Variants in CNBD1 observed in about 807,000 individuals in gnomAD.
CNBD1 encodes cyclic nucleotide binding domain containing 1.
CNBD1 carries 71 observed loss-of-function variants against 54.4 expected under a neutral mutation model. The ratio of observed to expected loss-of-function variants is 1.30; its 90% confidence interval spans 1.08 to 1.59. The LOEUF is 1.59. Ranked by LOEUF, CNBD1 falls within the 40% of genes most tolerant of loss-of-function variation. CNBD1 has a pLI of 0.00. For synonymous variants in CNBD1, 182 were observed against 170.7 expected (o/e 1.07, Z -0.51); for missense variants, 659 against 518.0 (o/e 1.27, Z -2.64).
chr8:87,423,565 T>A (rs1319228107), intron 2 of CNBD1, among the ~76,000 whole-genome samples: 6 of 150,346 alleles, frequency 4.0e-5, no homozygotes, highest in Admixed American at 2.0e-4. Flanking sequence ...TCTGTTTATA[T>A]GCTGGATTAC....
intron 4 of CNBD1, among the ~76,000 whole-genome samples, chr8:87,037,445 T>A (rs902100809): frequency 6.6e-6 from 1 of 152,160 alleles, no homozygotes; most frequent in African/African-American, 2.4e-5. Context: ...AGAAACTCAT[T>A]AAGCATTAGC....
At chr8:87,351,492 T>A (rs1390885119) in intron 8 of CNBD1, among the ~76,000 whole-genome samples, 193 bp from the exon 9 acceptor site, 1 of 152,192 alleles carries the variant, frequency 6.6e-6, no homozygotes, top group Non-Finnish European at 1.5e-5. Flanking sequence ...ATTACATGTA[T>A]TATGTTAGAG....
chr8:87,205,799 C>T (rs958079965), intron 4 of CNBD1, among the ~76,000 whole-genome samples, 194 bp from the exon 5 acceptor site: 6 of 151,964 alleles, frequency 3.9e-5, no homozygotes, highest in East Asian at 1.9e-4. Context: ...ATTGTGAAAG[C>T]GCATCTTAAT....
At chr8:87,162,914 T>C (rs1812886839) in intron 4 of CNBD1, among the ~76,000 whole-genome samples, 2 of 152,070 alleles carry the variant, frequency 1.3e-5, no homozygotes, top group African/African-American at 4.8e-5. Context: ...CCCTCCTGAA[T>C]TGGATTAGGT....
rs1218599259 is a variant in CNBD1 at position 87,325,300 on chromosome 8, C to T, written c.1043-26385C>T. Among the ~76,000 whole-genome samples the T allele has an allele frequency of 3.2e-5, 3 of 94,312 alleles. 1 individual carries two copies. The highest frequency in any genetic ancestry group is 1.9e-4 in the African/African-American group (3 of 15,396). The allele number at this position is 94,312 out of a possible 152,430, so 61.9% of individuals were successfully genotyped here. A position where few individuals can be genotyped will look rare whatever the true frequency, so the allele number is the denominator to read the frequency against. On this transcript the variant is annotated intron_variant, in intron 8 of 10. Coordinates refer to ENST00000518476, the MANE Select transcript of CNBD1 (RefSeq NM_173538.3). ...TTCTGTTGATTTGGGGTAGAGAGTT[C>T]TGTAGATGTCTATTAGGTCCGCTTG...
chr8:86,919,211 G>GA (rs1414610609), intron 3 of CNBD1, among the ~76,000 whole-genome samples: 1 of 152,100 alleles, frequency 6.6e-6, no homozygotes, highest in African/African-American at 2.4e-5. Flanking sequence ...TTGGGATCCA[G>GA]AAATACATAT....
In CNBD1 at chr8:86,911,186, G is replaced by GTAT. The variant is rs1563818997; in HGVS notation, c.272+5992_272+5993insTAT. The stretch of plus-strand genomic sequence containing the variant: ...CCCTTTTCTATTGGCACAGCTGTTG[G>GTAT]CATTCACCCATGCAAGCTTTTAGCT... On this transcript the variant is annotated intron_variant, in intron 3 of 10. Coordinates refer to ENST00000518476, the MANE Select transcript of CNBD1 (RefSeq NM_173538.3). 1.1e-4 allele frequency among the ~76,000 whole-genome samples: 16 copies of GTAT among 152,136 alleles called. No homozygotes were observed. In the East Asian group the frequency reaches 1.5e-3, roughly 15 times the overall value.
downstream of CNBD1, among the ~76,000 whole-genome samples, chr8:87,384,415 T>C (rs1307166048): frequency 6.6e-6 from 1 of 152,132 alleles, no homozygotes; most frequent in Non-Finnish European, 1.5e-5. Flanking sequence ...TGGTACATAT[T>C]ATACTTCAGG....
At chr8:87,355,324 C>T (rs1386819045) in intron 10 of CNBD1, among the ~76,000 whole-genome samples, 2 of 152,160 alleles carry the variant, frequency 1.3e-5, no homozygotes, top group Non-Finnish European at 2.9e-5. Context: ...TCTGGGACAT[C>T]TTCTGGCTTT....
At chr8:86,965,205 G>T (rs1015766028) in intron 4 of CNBD1, among the ~76,000 whole-genome samples, 4 of 152,092 alleles carry the variant, frequency 2.6e-5, no homozygotes, top group African/African-American at 7.2e-5. Flanking sequence ...TATAAAAGAA[G>T]AACCATGACA....
chr8:87,158,441 A>G (rs1326732547), intron 4 of CNBD1, among the ~76,000 whole-genome samples: 1 of 152,226 alleles, frequency 6.6e-6, no homozygotes, highest in Non-Finnish European at 1.5e-5. Flanking sequence ...ATGGAAAACT[A>G]TAATGAAAAC....
chr8:87,356,368 G>A (rs1015077363), intron 10 of CNBD1, among the ~76,000 whole-genome samples: 3 of 152,142 alleles, frequency 2.0e-5, no homozygotes, highest in Non-Finnish European at 4.4e-5. Flanking sequence ...ATAGAAGTAT[G>A]GATAGTGAAG....
intron 4 of CNBD1, among the ~76,000 whole-genome samples, chr8:87,171,293 C>T (rs1427262722): frequency 1.3e-5 from 2 of 151,918 alleles, no homozygotes; most frequent in Admixed American, 1.3e-4. Context: ...CTAGATTTTG[C>T]AATATGTTGG....
chr8:87,178,977 G>A (rs1014349018), intron 4 of CNBD1, among the ~76,000 whole-genome samples: 9 of 152,004 alleles, frequency 5.9e-5, no homozygotes, highest in African/African-American at 1.7e-4. Flanking sequence ...ACGTGATCTC[G>A]GCTCACCGCA....
At chr8:87,370,416 A>G (rs1271929145) in intron 10 of CNBD1, among the ~76,000 whole-genome samples, 5 of 152,088 alleles carry the variant, frequency 3.3e-5, no homozygotes, top group African/African-American at 4.8e-5. Flanking sequence ...AATGATTGCC[A>G]TTCTAACTGG....
intron 4 of CNBD1, among the ~76,000 whole-genome samples, chr8:87,076,604 G>A (rs1450521044): frequency 6.6e-6 from 1 of 151,946 alleles, no homozygotes; most frequent in African/African-American, 2.4e-5. Flanking sequence ...CACCATGTCT[G>A]GATAATTTTT....
chr8:87,146,655 T>G (rs1217346964), intron 4 of CNBD1, among the ~76,000 whole-genome samples: 1 of 152,142 alleles, frequency 6.6e-6, no homozygotes, highest in Non-Finnish European at 1.5e-5. Flanking sequence ...ATAGGAATTT[T>G]CCATGGTTCC....
At chr8:87,245,946 CTA>C (rs1807794897) in intron 6 of CNBD1, among the ~76,000 whole-genome samples, 1 of 151,914 alleles carries the variant, frequency 6.6e-6, no homozygotes, top group Non-Finnish European at 1.5e-5. Context: ...TGAGTACATA[CTA>C]TATGCCCATT....
rs186876346 is a variant in CNBD1 at position 86,945,038 on chromosome 8, C to T, written c.431+5284C>T. Among the ~76,000 whole-genome samples, 875 of 152,260 alleles carry T rather than the reference C, an allele frequency of 5.7e-3. 17 individuals are homozygous for T. Among genetic ancestry groups the T allele is most frequent in the African/African-American group, 0.02 (831 of 41,554 alleles). On this transcript the variant is annotated intron_variant, in intron 4 of 10. Coordinates refer to ENST00000518476, the MANE Select transcript of CNBD1 (RefSeq NM_173538.3). ...AATCCTGGGCAAATCATCTGATGCT[C>T]TCACATGTTGGTATTTGATTGCAGT... is the stretch of plus-strand genomic sequence containing the variant.
Sources: allele counts gnomAD v4.1 joint callset (sites outside exome capture counted in the v4.1 genomes callset), GRCh38; gene constraint gnomAD v4.1.1; transcripts MANE v1.5; gene names NCBI Gene and HGNC (gene_info 2026-07-23, HGNC 2026-07-21).